The following NFIB variants were observed in gnomAD, a reference collection of about 807,000 sequenced individuals.
The protein encoded by NFIB is nuclear factor I B, also known as nuclear factor 1 B-type.
In NFIB, 11 loss-of-function variants were observed where a neutral mutation model predicts 61.5. That is an observed-to-expected ratio of 0.18 (90% CI 0.11 to 0.30). The LOEUF is 0.30. NFIB is among the 10% of genes least tolerant of loss of function. NFIB has a pLI of 1.00. For missense variants in NFIB, 471 were observed against 608.9 expected (o/e 0.77, Z 2.38); for synonymous variants, 260 against 216.5 (o/e 1.20, Z -1.76).
chr9:14,460,375 G>T, the NFIB span, among the ~76,000 whole-genome samples: 2 of 146,240 alleles, frequency 1.4e-5, no homozygotes, highest in East Asian at 2.1e-4. Flanking sequence ...TTGCGGGGTG[G>T]GGGGAGGGAG....
intron 2 of NFIB, among the ~76,000 whole-genome samples, chr9:14,259,169 T>G (rs1017722000): frequency 4.6e-5 from 7 of 152,192 alleles, no homozygotes; most frequent in African/African-American, 1.4e-4. Context: ...ACAAAGCTCA[T>G]GAAGTGATAA....
chr9:14,505,146 G>C, the NFIB span, among the ~76,000 whole-genome samples: 1 of 152,010 alleles, frequency 6.6e-6, no homozygotes, highest in Non-Finnish European at 1.5e-5. Context: ...TTGACTCGTG[G>C]ATATAAAACC....
chr9:14,311,745 G>C (rs1348482830), intron 1 of NFIB, among the ~76,000 whole-genome samples: 1 of 152,166 alleles, frequency 6.6e-6, no homozygotes, highest in African/African-American at 2.4e-5. Context: ...TTTCTGAAAA[G>C]CTGATGTTAG....
intron 2 of NFIB, among the ~76,000 whole-genome samples, chr9:14,206,608 C>T (rs1054829302): frequency 1.4e-5 from 2 of 142,294 alleles, no homozygotes; most frequent in African/African-American, 2.7e-5. Flanking sequence ...CAGAAGAATT[C>T]GATAAATGTT....
chr9:14,278,411 C>T (rs995405223), intron 2 of NFIB, among the ~76,000 whole-genome samples: 3 of 152,198 alleles, frequency 2.0e-5, no homozygotes, highest in African/African-American at 7.2e-5. Flanking sequence ...TAACAAGATA[C>T]ACATGTTCAA....
intron 2 of NFIB, among the ~76,000 whole-genome samples, chr9:14,285,461 GT>G (rs1188537531): frequency 6.6e-6 from 1 of 152,004 alleles, no homozygotes; most frequent in Non-Finnish European, 1.5e-5. Flanking sequence ...AGTGAAATGA[GT>G]TTTTTTTAAT....
At position 14,340,783 on chromosome 9, in the gene NFIB, C is replaced by T. The variant is rs111620945; in HGVS notation, c.109-33263G>A. On this transcript the variant is annotated intron_variant, in intron 1 of 8. Coordinates refer to the NFIB transcript ENST00000380934. ...GCATTTTTTCCAAACTTAACTTTTG[C>T]TCTGTAGGCAGTTGTGCCAACTTAA... is the stretch of plus-strand genomic sequence containing the variant. Among the ~76,000 whole-genome samples the T allele has an allele frequency of 1.9e-4, 29 of 152,238 alleles. 1 individual carries two copies. The highest frequency in any genetic ancestry group is 6.5e-4 in the African/African-American group (27 of 41,520).
intron 10 of NFIB, among the ~76,000 whole-genome samples, chr9:14,095,479 T>C (rs1047752274): frequency 2.0e-5 from 3 of 152,096 alleles, no homozygotes; most frequent in African/African-American, 4.8e-5. Context: ...CTGTCTGTAT[T>C]CCTCTCTACC....
At chr9:14,380,453 A>C (rs1259269889) in intron 1 of NFIB, among the ~76,000 whole-genome samples, 1 of 152,232 alleles carries the variant, frequency 6.6e-6, no homozygotes, top group African/African-American at 2.4e-5. Flanking sequence ...TTAAAACTAA[A>C]GGGAAATGTC....
At chr9:14,269,058 G>A (rs1388217827) in intron 2 of NFIB, among the ~76,000 whole-genome samples, 1 of 151,812 alleles carries the variant, frequency 6.6e-6, no homozygotes, top group African/African-American at 2.4e-5. Flanking sequence ...TAGTACATAT[G>A]AGTAAATATA....
chr9:14,491,564 C>T, the NFIB span, among the ~76,000 whole-genome samples: 2 of 152,208 alleles, frequency 1.3e-5, no homozygotes, highest in Admixed American at 6.5e-5. Context: ...AGGTGGGAGT[C>T]CTCTCAAAAT....
chr9:14,413,083 C>T, the NFIB span, among the ~76,000 whole-genome samples: 3 of 152,120 alleles, frequency 2.0e-5, no homozygotes, highest in African/African-American at 7.2e-5. Context: ...CTGGGTAGCT[C>T]TGAACTGCCT....
the NFIB span, among the ~76,000 whole-genome samples, chr9:14,520,011 A>C: frequency 1.3e-4 from 20 of 152,184 alleles, no homozygotes; most frequent in African/African-American, 4.6e-4. Context: ...GATAAAATTC[A>C]GATTGGTGAA....
rs561515105 is a variant in NFIB at position 14,220,194 on chromosome 9, T to G, written c.563-40414A>C. On this transcript the variant is annotated intron_variant, in intron 2 of 10. Transcript: ENST00000380953. ...CCTGAATTCTCTTCATCAAGGATTA[T>G]CAGACACCTGTTTTAAATTTTAATC... 2.0e-5 allele frequency among the ~76,000 whole-genome samples: 3 copies of G among 152,326 alleles called. No homozygotes were observed. In the East Asian group the frequency reaches 5.8e-4, roughly 29 times the overall value.
At chr9:14,267,472 T>C (rs1324075297) in intron 2 of NFIB, among the ~76,000 whole-genome samples, 2 of 152,282 alleles carry the variant, frequency 1.3e-5, no homozygotes, top group East Asian at 3.9e-4. Flanking sequence ...CACAAATGAG[T>C]ACTGAAAGTA....
At chr9:14,107,838 G>T (rs1367654770) in intron 10 of NFIB, among the ~76,000 whole-genome samples, 1 of 152,014 alleles carries the variant, frequency 6.6e-6, no homozygotes, top group Non-Finnish European at 1.5e-5. Context: ...ATTCAACTGA[G>T]ATCTAAGTTA....
chr9:14,475,238 A>G, the NFIB span, among the ~76,000 whole-genome samples: 1 of 152,344 alleles, frequency 6.6e-6, no homozygotes, highest in African/African-American at 2.4e-5. Flanking sequence ...TGACTTGCCC[A>G]TGGTCACAGA....
At chr9:14,391,120 T>C (rs1254520563) in intron 1 of NFIB, among the ~76,000 whole-genome samples, 1 of 152,208 alleles carries the variant, frequency 6.6e-6, no homozygotes, top group Non-Finnish European at 1.5e-5. Context: ...GACATTTTCT[T>C]TTAAAGAGTA....
At chr9:14,111,147 A>G (rs1336580725) in intron 10 of NFIB, among the ~76,000 whole-genome samples, 1 of 152,164 alleles carries the variant, frequency 6.6e-6, no homozygotes, top group Non-Finnish European at 1.5e-5. Flanking sequence ...TAGAACTCAT[A>G]GTTTTTAAAA....
Sources: gnomAD v4.1 joint callset for allele counts (sites outside exome capture counted in the v4.1 genomes callset) on GRCh38, gnomAD v4.1.1 for gene constraint, MANE v1.5 for transcripts, NCBI Gene and HGNC (gene_info 2026-07-23, HGNC 2026-07-21) for gene names.